DDOST: variants seen among roughly 807,000 people sequenced by gnomAD.
DDOST encodes the protein dolichyl-diphosphooligosaccharide--protein glycosyltransferase 48 kDa subunit.
In DDOST, 25 loss-of-function variants were observed where a neutral mutation model predicts 47.6. The ratio of observed to expected loss-of-function variants is 0.53; its 90% confidence interval spans 0.38 to 0.73. The LOEUF is 0.73. Among genes scored for constraint, DDOST ranks in the 30% least tolerant of loss-of-function variants. DDOST has a pLI of 0.00. For missense variants in DDOST, 526 were observed against 573.9 expected (o/e 0.92, Z 0.85); for synonymous variants, 275 against 236.0 (o/e 1.17, Z -1.51).
chr1:20,655,525 T>G lies in DDOST; in HGVS notation c.466A>C (p.Ile156Leu). Residue 156 changes from isoleucine to leucine, a missense_variant, in exon 5 of 11, where the codon ATC becomes CTC. Transcript: ENST00000602624. The stretch of plus-strand genomic sequence containing the variant: ...AGCAGGTTCTCAGTGTCAGCCACGA[T>G]GAGCGTATGCTGCAAAGAGTAGATG... ...DISDLGQHTLIVADTENLLKA... is the reference protein window; with the variant it reads ...DISDLGQHTLLVADTENLLKA... 2 of 1,614,036 alleles carry G rather than the reference T, an allele frequency of 1.2e-6. No individual in the cohort carries two copies.
At chr1:20,655,841 T>C (rs1570415750) in intron 3 of DDOST, 62 bp from the exon 4 acceptor site, 1 of 1,384,692 alleles carries the variant, frequency 7.2e-7, no homozygotes, top group East Asian at 2.3e-5. Flanking sequence ...CCAAGTGTCC[T>C]TGGCTTCCTT....
In DDOST at chr1:20,657,898, CT is replaced by C. The variant is rs558068995; in HGVS notation, c.266-1712del. On this transcript the variant is annotated intron_variant, in intron 2 of 10. Coordinates refer to ENST00000602624, the MANE Select transcript of DDOST (RefSeq NM_005216.5). Reference sequence around the variant, plus strand: ...TTGGCACAGTGCAGTGGTTTGCAATCTTGGCCGATTTTGCCCCTCAGAGCAA... The same window carrying C: ...TTGGCACAGTGCAGTGGTTTGCAATCTGGCCGATTTTGCCCCTCAGAGCAA... Among the ~76,000 whole-genome samples, 906 of 152,344 alleles carry C rather than the reference CT, an allele frequency of 5.9e-3. 2 individuals carry two copies. The highest frequency in any genetic ancestry group is 9.1e-3 in the Non-Finnish European group (619 of 68,030).
rs748246542 is a variant in DDOST at position 20,652,368 on chromosome 1, G to C, written c.*11C>G. On this transcript the variant is annotated 3_prime_UTR_variant, in exon 11 of 11. Transcript: ENST00000602624. ...CCCGTCTCCACGCTGTGCGGAGAGG[G>C]CTCTAGCCCCTCAGTCGGACTTCTC... The C allele has an allele frequency of 1.7e-5, 27 of 1,606,076 alleles. No individual in the cohort carries two copies. The Admixed American group carries it at 4.2e-4, about 25-fold the overall frequency.
At position 20,654,656 on chromosome 1, in the gene DDOST, A is replaced by G. The variant is rs759755669; in HGVS notation, c.603T>C (p.Ser201=). The G allele has an allele frequency of 1.3e-6, 2 of 1,565,348 alleles. No homozygotes were observed. Among genetic ancestry groups the G allele is most frequent in the Non-Finnish European group, 1.7e-6 (2 of 1,153,720 alleles). ...CCGGGAAGAAGGAGTAAGAGGTGGA[A>G]GAGCCCGTCAGGATGTCCAGCACCA... The part of the protein sequence containing the change: ...NPLVLDILTG[S]STSYSFFPDK... The change falls in exon 6 of 11, where the codon TCT becomes TCC. Residue 201 remains serine (S), a synonymous_variant. Transcript: ENST00000602624.
chr1:20,652,924 G>A lies in DDOST; in HGVS notation c.990C>T (p.Pro330=). 6.2e-7 allele frequency: 1 copy of A among 1,614,194 alleles called. No individual in the cohort carries two copies. Among genetic ancestry groups the A allele is most frequent in the South Asian group, 1.1e-5 (1 of 91,088 alleles). ...CCAGCTGAATGTCATCGCCATCAAA[G>A]GGGACCCATTTGCCATTTGAGAGCT... The part of the protein sequence containing the change: ...IQQLSNGKWV[P]FDGDDIQLEF... The change falls in exon 9 of 11, where the codon CCC becomes CCT. Residue 330 remains proline, a synonymous_variant. Transcript: ENST00000602624.
rs1311426008 is a variant in DDOST at position 20,656,094 on chromosome 1, G to C, written c.352+7C>G. The C allele has an allele frequency of 1.9e-6, 3 of 1,611,486 alleles. No homozygotes were observed. In the South Asian group the frequency reaches 3.3e-5, roughly 18 times the overall value. Reference sequence around the variant, plus strand: ...GAAAGCACCAGAACCTCCCAGGTCGGACTCACCAATGTCGGAGCTGGCAGC... The same window carrying C: ...GAAAGCACCAGAACCTCCCAGGTCGCACTCACCAATGTCGGAGCTGGCAGC... On this transcript the variant is annotated splice_region_variant and intron_variant, in intron 3 of 10. Coordinates refer to ENST00000602624, the MANE Select transcript of DDOST (RefSeq NM_005216.5).
rs1553147566 is a variant in DDOST at position 20,655,176 on chromosome 1, T to TTG, written c.551+263_551+264insCA. On this transcript the variant is annotated intron_variant, in intron 5 of 10. Transcript: ENST00000602624. ...CGCTCGGCCAACTTTTTTTTGTTTT[T>TTG]TTTTTTTTTTTTTTTTTTTAAAGAG... 2.9e-4 allele frequency among the ~76,000 whole-genome samples: 36 copies of TTG among 125,026 alleles called. No homozygotes were observed. The South Asian group carries it at 3.8e-3, about 13-fold the overall frequency. 82.0% of individuals were successfully genotyped at this position (125,026 alleles called of 152,430 possible).
At position 20,660,863 on chromosome 1, in the gene DDOST, G is replaced by A. The variant is rs2053426446; in HGVS notation, c.265+18C>T. 8 of 1,465,986 alleles carry A rather than the reference G, an allele frequency of 5.5e-6. No homozygotes were observed. The highest frequency in any genetic ancestry group is 1.1e-5 in the South Asian group (1 of 87,618). The allele number at this position is 1,465,986 out of a possible 1,614,324, so 90.8% of individuals were successfully genotyped here. ...CGGGTCTCGAATTCCAGTGCTAGGG[G>A]CGACGCGGAACCCTTACCTTCTACC... is the stretch of plus-strand genomic sequence containing the variant. On this transcript the variant is annotated intron_variant, in intron 2 of 10. Transcript: ENST00000602624.
chr1:20,654,103 C>G, intron 7 of DDOST, 120 bp downstream of exon 7: 1 of 1,226,894 alleles, frequency 8.2e-7, no homozygotes, highest in South Asian at 1.5e-5. Flanking sequence ...CTGACAGCAC[C>G]TGAAACACTC....
rs1224198174 is a variant in DDOST, at chr1:20,654,218, G to C, written c.794+5C>G. On this transcript the variant is annotated splice_donor_5th_base_variant and intron_variant, in intron 7 of 10. Transcript: ENST00000602624. Reference sequence around the variant, plus strand: ...TCCCCGGCCCCTAAGCCTCCTGGCAGCTACCTCTGGGAGCCGGGCGCCGCC... The same window carrying C: ...TCCCCGGCCCCTAAGCCTCCTGGCACCTACCTCTGGGAGCCGGGCGCCGCC... 4 of 1,550,270 alleles carry C rather than the reference G, an allele frequency of 2.6e-6. No homozygotes were observed. Among genetic ancestry groups the C allele is most frequent in the Non-Finnish European group, 3.5e-6 (4 of 1,146,936 alleles).
chr1:20,656,632 T>C (rs2053377504), intron 2 of DDOST, among the ~76,000 whole-genome samples: 1 of 152,230 alleles, frequency 6.6e-6, no homozygotes, highest in Non-Finnish European at 1.5e-5. Context: ...AGAGCACTTC[T>C]GCATCTCCAG....
rs367895981 is a variant in DDOST, at chr1:20,656,092, C to T, written c.352+9G>A. 158 of 1,610,608 alleles carry T rather than the reference C, an allele frequency of 9.8e-5. No homozygotes were observed. The Admixed American group carries it at 1.2e-3, about 12-fold the overall frequency. On this transcript the variant is annotated intron_variant, in intron 3 of 10. Transcript: ENST00000602624. Reference sequence around the variant, plus strand: ...TGGAAAGCACCAGAACCTCCCAGGTCGGACTCACCAATGTCGGAGCTGGCA... The same window carrying T: ...TGGAAAGCACCAGAACCTCCCAGGTTGGACTCACCAATGTCGGAGCTGGCA...
At chr1:20,653,065 C>T (rs1306750432) in intron 8 of DDOST, 94 bp from the exon 9 acceptor site, 34 of 1,542,268 alleles carry the variant, frequency 2.2e-5, no homozygotes, top group Non-Finnish European at 2.4e-5. Context: ...ACCCGACGAA[C>T]ATGGCAGGAA....
rs2053348630 is a variant in DDOST at position 20,654,709 on chromosome 1, T to C, written c.552-2A>G. On this transcript the variant is annotated splice_acceptor_variant, in intron 5 of 10. Coordinates refer to ENST00000602624, the MANE Select transcript of DDOST (RefSeq NM_005216.5). LOFTEE classifies it high-confidence loss of function. ...GGGTTATCAGGATCGGCCACCATCC[T>C]GCAGCAGGACGAGAGCAGCCCAGCA... 2 of 1,553,878 alleles carry C rather than the reference T, an allele frequency of 1.3e-6. No individual in the cohort carries two copies. Among genetic ancestry groups the C allele is most frequent in the Non-Finnish European group, 1.7e-6 (2 of 1,147,938 alleles).
At chr1:20,658,756 C>G (rs762608012) in intron 2 of DDOST, among the ~76,000 whole-genome samples, 2 of 152,070 alleles carry the variant, frequency 1.3e-5, no homozygotes, top group African/African-American at 4.8e-5. Flanking sequence ...TTACCTTCTA[C>G]GTACATCAAG....
At chr1:20,655,909 C>A in intron 3 of DDOST, 130 bp from the exon 4 acceptor site, 1 of 861,926 alleles carries the variant, frequency 1.2e-6, no homozygotes, top group Non-Finnish European at 1.9e-6. Context: ...GGGCTCAGCC[C>A]CAGATGGACC....
At chr1:20,653,560 T>C in intron 8 of DDOST, 67 bp downstream of exon 8, 10 of 1,473,194 alleles carry the variant, frequency 6.8e-6, no homozygotes, top group Non-Finnish European at 9.1e-6. Context: ...GTTCAATAAG[T>C]GCTTCTGAGC....
At position 20,655,754 on chromosome 1, in the gene DDOST, A is replaced by G. The variant is rs776997435; in HGVS notation, c.378T>C (p.Ser126=). The G allele has an allele frequency of 6.2e-7, 1 of 1,614,066 alleles. No homozygotes were observed. The highest frequency in any genetic ancestry group is 1.1e-5 in the South Asian group (1 of 91,090). The change falls in exon 4 of 11, where the codon AGT becomes AGC. Residue 126 remains serine (S), a synonymous_variant. Coordinates refer to ENST00000602624, the MANE Select transcript of DDOST (RefSeq NM_005216.5). ...CCTCGTCAAACTCAATCCCGCACTC[A>G]CTGCCCAGCTCTCGAAGAGGGTCAC... is the stretch of plus-strand genomic sequence containing the variant. ...DIGDPLRELG[S]ECGIEFDEEK... is the part of the protein sequence containing the mutation.
chr1:20,661,165 C>T, intron 1 of DDOST, 32 bp downstream of exon 1: 1 of 1,606,872 alleles, frequency 6.2e-7, no homozygotes, highest in Non-Finnish European at 8.5e-7. Flanking sequence ...CCCCAGGCCC[C>T]CACACGCTAC....
Sources: allele counts gnomAD v4.1 joint callset (sites outside exome capture counted in the v4.1 genomes callset), GRCh38; gene constraint gnomAD v4.1.1; transcripts MANE v1.5; gene names NCBI Gene and HGNC (gene_info 2026-07-23, HGNC 2026-07-21).